Variants in GPC5 observed in about 807,000 individuals in gnomAD.
The protein encoded by GPC5 is glypican 5.
GPC5 carries 47 observed loss-of-function variants against 53.9 expected under a neutral mutation model. That is an observed-to-expected ratio of 0.87 (90% CI 0.69 to 1.11). The LOEUF (loss-of-function observed/expected upper bound fraction) is 1.11. Ranked by LOEUF, GPC5 falls within the 50% of genes most tolerant of loss-of-function variation. The probability of loss-of-function intolerance (pLI) is 0.00; values close to 1 mark genes in which losing one functional copy is unlikely to be tolerated. For synonymous variants in GPC5, 286 were observed against 263.3 expected, an observed-to-expected ratio of 1.09 and a Z score of -0.84; for missense variants, 748 against 713.1, an observed-to-expected ratio of 1.05 and a Z score of -0.56.
intron 6 of GPC5, among the ~76,000 whole-genome samples, chr13:91,979,266 A>C (rs1169988503): frequency 6.6e-6 from 1 of 152,152 alleles, no homozygotes; most frequent in African/African-American, 2.4e-5. Context: ...AGGTATTCAA[A>C]GCTATGTGTT....
In GPC5 at chr13:92,138,541, TA is replaced by T. The variant is rs1305571921; in HGVS notation, c.1402-6280del. On this transcript the variant is annotated intron_variant, in intron 6 of 7. Coordinates refer to ENST00000377067, the MANE Select transcript of GPC5 (RefSeq NM_004466.6). ...TCTCAAAAAAATAAAAAATAAAAAA[TA>T]AAAAAAAATAAAAATAAAAATAAAA... is the stretch of plus-strand genomic sequence containing the variant. Among the ~76,000 whole-genome samples, 252 of 51,028 alleles carry T rather than the reference TA, an allele frequency of 4.9e-3. 2 individuals carry two copies. The highest frequency in any genetic ancestry group is 0.014 in the African/African-American group (238 of 16,524). The allele number at this position is 51,028 out of a possible 152,430, so 33.5% of individuals were successfully genotyped here. A position where few individuals can be genotyped will look rare whatever the true frequency, so the allele number is the denominator to read the frequency against.
intron 2 of GPC5, among the ~76,000 whole-genome samples, chr13:91,577,752 G>A (rs1191830699): frequency 6.6e-6 from 1 of 152,110 alleles, no homozygotes; most frequent in African/African-American, 2.4e-5. Flanking sequence ...TTTAAGGTTG[G>A]AAATACAGCT....
intron 2 of GPC5, among the ~76,000 whole-genome samples, chr13:91,520,712 G>T (rs761070089): frequency 2.7e-5 from 4 of 150,172 alleles, no homozygotes; most frequent in Admixed American, 2.6e-4. Context: ...ATATATGTGT[G>T]TGTGTGTATG....
chr13:91,705,226 A>ATTATAGCTACTCT, intron 3 of GPC5, among the ~76,000 whole-genome samples: 1 of 152,208 alleles, frequency 6.6e-6, no homozygotes, highest in Non-Finnish European at 1.5e-5. Flanking sequence ...CTGACTGTTC[A>ATTATAGCTACTCT]CATTTATGAT....
chr13:92,772,375 T>C (rs530208695), intron 7 of GPC5, among the ~76,000 whole-genome samples: 12 of 152,212 alleles, frequency 7.9e-5, no homozygotes, highest in Non-Finnish European at 1.6e-4. Context: ...TTCCACCCAG[T>C]TGGCCTCCCT....
chr13:92,445,192 C>T (rs185642210), intron 7 of GPC5, among the ~76,000 whole-genome samples: 3 of 137,752 alleles, frequency 2.2e-5, no homozygotes, highest in South Asian at 4.4e-4. Context: ...TTCCTTGCTC[C>T]TTTCCCCTCC....
rs540432442 is a variant in GPC5 at position 91,589,853 on chromosome 13, T to C, written c.326-103334T>C. The stretch of plus-strand genomic sequence containing the variant: ...GTAGGGATTCAAACTATATCTTCTA[T>C]GAATTTCTATATCTCTTCCTTGCTA... On this transcript the variant is annotated intron_variant, in intron 2 of 7. Transcript: ENST00000377067. 3.9e-5 allele frequency among the ~76,000 whole-genome samples: 6 copies of C among 152,300 alleles called. No homozygotes were observed. In the East Asian group the frequency reaches 1.2e-3, roughly 29 times the overall value.
intron 6 of GPC5, among the ~76,000 whole-genome samples, chr13:91,982,622 G>T (rs1016639244): frequency 6.6e-6 from 1 of 152,122 alleles, no homozygotes; most frequent in Admixed American, 6.5e-5. Flanking sequence ...GCATAAAAAT[G>T]GGAAGGAAGT....
chr13:92,232,421 A>G (rs2042537697), intron 7 of GPC5, among the ~76,000 whole-genome samples: 2 of 152,188 alleles, frequency 1.3e-5, no homozygotes, highest in Admixed American at 1.3e-4. Context: ...ACCATATAGC[A>G]TCTTTACATC....
chr13:92,791,418 A>AGT (rs1490849947), intron 7 of GPC5, among the ~76,000 whole-genome samples: 15 of 100,696 alleles, frequency 1.5e-4, no homozygotes, highest in African/African-American at 6.5e-4. Context: ...TATGTGTGTG[A>AGT]GTGTGTGGGG....
chr13:92,109,115 G>A (rs2041535593), intron 6 of GPC5, among the ~76,000 whole-genome samples: 1 of 133,640 alleles, frequency 7.5e-6, no homozygotes, highest in African/African-American at 2.8e-5. Context: ...CACCCAGGCT[G>A]GAGTGCAGTG....
At chr13:92,317,004 C>T (rs914352452) in intron 7 of GPC5, among the ~76,000 whole-genome samples, 1 of 152,054 alleles carries the variant, frequency 6.6e-6, no homozygotes, top group Non-Finnish European at 1.5e-5. Context: ...TTTATTCTAT[C>T]TTAAAATAAA....
intron 7 of GPC5, among the ~76,000 whole-genome samples, chr13:92,174,377 C>CA (rs1451800995): frequency 1.6e-3 from 162 of 100,604 alleles, no homozygotes; most frequent in East Asian, 4.2e-3. Flanking sequence ...AAAAAAAAAA[C>CA]AAAAAAAAAT....
At chr13:92,517,074 A>G (rs756765697) in intron 7 of GPC5, among the ~76,000 whole-genome samples, 8 of 152,122 alleles carry the variant, frequency 5.3e-5, no homozygotes, top group Non-Finnish European at 1.0e-4. Flanking sequence ...CGGAGCCTCA[A>G]TCATTGCTAG....
chr13:91,741,904 A>G (rs1267980193), intron 4 of GPC5, among the ~76,000 whole-genome samples: 2 of 152,160 alleles, frequency 1.3e-5, no homozygotes, highest in Non-Finnish European at 1.5e-5. Flanking sequence ...TTTACAATCT[A>G]TTTCCTCGTA....
intron 2 of GPC5, among the ~76,000 whole-genome samples, chr13:91,454,464 T>C (rs967959224): frequency 7.2e-5 from 11 of 152,110 alleles, no homozygotes; most frequent in East Asian, 1.9e-4. Context: ...TTATAGCTGG[T>C]GAAACAGTTC....
chr13:92,324,930 A>C (rs1369905891), intron 7 of GPC5, among the ~76,000 whole-genome samples: 2 of 151,990 alleles, frequency 1.3e-5, no homozygotes, highest in Non-Finnish European at 2.9e-5. Flanking sequence ...TTAATATTCT[A>C]TAAAACAAAT....
At position 92,527,225 on chromosome 13, in the gene GPC5, G is replaced by GAA. The variant is rs1206347766; in HGVS notation, c.1562-339055_1562-339054dup. 7.2e-3 allele frequency among the ~76,000 whole-genome samples: 272 copies of GAA among 37,648 alleles called. 10 individuals carry two copies. Among genetic ancestry groups the GAA allele is most frequent in the Non-Finnish European group, 8.3e-3 (191 of 23,136 alleles). 24.7% of individuals were successfully genotyped at this position (37,648 alleles called of 152,430 possible). A position where few individuals can be genotyped will look rare whatever the true frequency, so the allele number is the denominator to read the frequency against. ...AGAAAGAAAGAAAGAAAGAAAGAAAGAAAGAAAGAAAGAAAGAAAGAAAGA... is the reference window on the plus strand; with the variant it reads ...AGAAAGAAAGAAAGAAAGAAAGAAAGAAAAAGAAAGAAAGAAAGAAAGAAAGA... On this transcript the variant is annotated intron_variant, in intron 7 of 7. Coordinates refer to ENST00000377067, the MANE Select transcript of GPC5 (RefSeq NM_004466.6).
In GPC5 at chr13:91,461,869, G is replaced by A. The variant is rs192521051; in HGVS notation, c.325+12947G>A. On this transcript the variant is annotated intron_variant, in intron 2 of 7. Transcript: ENST00000377067. ...TTCTTGGATTACTGTGCCTGATGGGGCTGCCAAGAGTCACATTGTGAGTGC... is the reference window on the plus strand; with the variant it reads ...TTCTTGGATTACTGTGCCTGATGGGACTGCCAAGAGTCACATTGTGAGTGC... Among the ~76,000 whole-genome samples the A allele has an allele frequency of 1.5e-3, 226 of 152,180 alleles. 1 individual carries two copies. The highest frequency in any genetic ancestry group is 2.6e-3 in the Non-Finnish European group (175 of 68,002).
Sources: allele counts gnomAD v4.1 joint callset (sites outside exome capture counted in the v4.1 genomes callset), GRCh38; gene constraint gnomAD v4.1.1; transcripts MANE v1.5; gene names NCBI Gene and HGNC (gene_info 2026-07-23, HGNC 2026-07-21).